ROBO1: variants seen among roughly 807,000 people sequenced by gnomAD.
ROBO1 encodes the protein roundabout guidance receptor 1.
In ROBO1, 149 loss-of-function variants were observed where a neutral mutation model predicts 195.9. The observed-to-expected ratio is 0.76, with a 90% CI of 0.67 to 0.87. The LOEUF is 0.87. ROBO1 is among the 40% of genes least tolerant of loss of function. ROBO1 has a pLI of 0.00. For synonymous variants in ROBO1, 816 were observed against 733.2 expected (o/e 1.11, Z -1.82); for missense variants, 1,933 against 2,068.3 (o/e 0.93, Z 1.27).
chr3:79,736,252 G>A (rs1338751612), intron 1 of ROBO1, among the ~76,000 whole-genome samples: 3 of 152,188 alleles, frequency 2.0e-5, no homozygotes, highest in Admixed American at 2.0e-4. Flanking sequence ...AGGATAGAGA[G>A]CAGGCTACTG....
intron 2 of ROBO1, among the ~76,000 whole-genome samples, chr3:79,490,037 G>A (rs868527796): frequency 6.6e-5 from 10 of 152,150 alleles, no homozygotes; most frequent in African/African-American, 2.4e-4. Flanking sequence ...CCTTGAAGCC[G>A]AGGACTTTGA....
At chr3:78,934,909 C>T (rs1025204422) in intron 4 of ROBO1, among the ~76,000 whole-genome samples, 9 of 152,012 alleles carry the variant, frequency 5.9e-5, no homozygotes, top group African/African-American at 1.9e-4. Context: ...CCATCTTCCA[C>T]GGACTAGATT....
intron 3 of ROBO1, among the ~76,000 whole-genome samples, chr3:79,093,891 A>G (rs1442915043): frequency 6.6e-6 from 1 of 152,028 alleles, no homozygotes; most frequent in African/African-American, 2.4e-5. Flanking sequence ...AAACAGGGGG[A>G]GAGCTAGAAG....
chr3:79,171,455 T>A (rs551613263), intron 2 of ROBO1, among the ~76,000 whole-genome samples: 1 of 149,196 alleles, frequency 6.7e-6, no homozygotes, highest in Non-Finnish European at 1.5e-5. Flanking sequence ...CTGGGCTTAA[T>A]TTTTTCTTTT....
At chr3:79,304,443 C>T (rs1391018331) in intron 2 of ROBO1, among the ~76,000 whole-genome samples, 1 of 152,018 alleles carries the variant, frequency 6.6e-6, no homozygotes, top group Admixed American at 6.6e-5. Context: ...CTGTGAAATC[C>T]CCACGATCAT....
chr3:79,507,140 T>C (rs1007584317), intron 2 of ROBO1, among the ~76,000 whole-genome samples: 1 of 152,206 alleles, frequency 6.6e-6, no homozygotes, highest in African/African-American at 2.4e-5. Context: ...TAGAGCACAT[T>C]AGCCGGTTTA....
intron 2 of ROBO1, among the ~76,000 whole-genome samples, chr3:79,168,527 T>A (rs1371413886): frequency 6.6e-6 from 1 of 152,186 alleles, no homozygotes; most frequent in East Asian, 1.9e-4. Flanking sequence ...CTAGTTCATT[T>A]TACTGTTTCC....
chr3:78,995,998 A>G (rs974964222), intron 3 of ROBO1, among the ~76,000 whole-genome samples: 1 of 152,080 alleles, frequency 6.6e-6, no homozygotes, highest in Non-Finnish European at 1.5e-5. Flanking sequence ...TCCAGCTCCA[A>G]ATGAAAGATT....
At chr3:78,717,970 T>C (rs2081945220) in intron 5 of ROBO1, 87 bp from the exon 6 acceptor site, 1 of 1,279,516 alleles carries the variant, frequency 7.8e-7, no homozygotes, top group East Asian at 2.4e-5. Context: ...AAGACTGCTT[T>C]CTAAGCATAT....
chr3:78,828,502 G>A (rs551067800), intron 4 of ROBO1, among the ~76,000 whole-genome samples: 6 of 152,248 alleles, frequency 3.9e-5, no homozygotes, highest in African/African-American at 1.4e-4. Context: ...CAAGTTTCAC[G>A]CTACCATACT....
intron 2 of ROBO1, among the ~76,000 whole-genome samples, chr3:79,321,245 CT>C (rs536147957): frequency 6.6e-6 from 1 of 150,768 alleles, no homozygotes; most frequent in South Asian, 2.1e-4. Context: ...GTGTTTTTTT[CT>C]ATAGGGGTAT....
intron 4 of ROBO1, among the ~76,000 whole-genome samples, chr3:78,885,412 TAAAAAAAAAAAAAAAAAA>T (rs59912706): frequency 3.7e-5 from 2 of 53,702 alleles, no homozygotes; most frequent in Non-Finnish European, 6.4e-5. Flanking sequence ...AATTTAAAAC[TAAAAAAAAAAAAAAAAAA>T]AAAAAAAAAA....
At chr3:79,149,865 G>C (rs1287911141) in intron 2 of ROBO1, among the ~76,000 whole-genome samples, 2 of 151,784 alleles carry the variant, frequency 1.3e-5, no homozygotes, top group Non-Finnish European at 2.9e-5. Flanking sequence ...AGTTACTCCT[G>C]ATGGCAGGCC....
intron 2 of ROBO1, among the ~76,000 whole-genome samples, chr3:79,188,220 G>A (rs367776665): frequency 6.6e-6 from 1 of 151,828 alleles, no homozygotes; most frequent in Non-Finnish European, 1.5e-5. Context: ...AACTATATTT[G>A]TAATACTTTT....
chr3:79,525,517 T>G (rs1941391239), intron 2 of ROBO1, among the ~76,000 whole-genome samples: 1 of 147,736 alleles, frequency 6.8e-6, no homozygotes, highest in East Asian at 2.0e-4. Flanking sequence ...AAACATTTAT[T>G]TTTTCATCAA....
At chr3:78,868,318 A>T (rs116200560) in intron 4 of ROBO1, among the ~76,000 whole-genome samples, 2,958 of 152,260 alleles carry the variant, frequency 0.019, 42 homozygotes, top group Middle Eastern at 0.044. Context: ...GAATGATGTC[A>T]GTGCAAACCT....
At chr3:78,708,333 A>C (rs1166742979) in intron 8 of ROBO1, among the ~76,000 whole-genome samples, 1 of 152,162 alleles carries the variant, frequency 6.6e-6, no homozygotes, top group Non-Finnish European at 1.5e-5. Context: ...TTGTCATTGA[A>C]AGTAAATAAT....
intron 18 of ROBO1, 41 bp from the exon 19 acceptor site, chr3:78,651,970 A>G: frequency 6.8e-7 from 1 of 1,466,386 alleles, no homozygotes; most frequent in Non-Finnish European, 9.5e-7. Context: ...TGAAGACTCA[A>G]TGCAATAATG....
chr3:78,715,949 C>T (rs1411079873), intron 7 of ROBO1, among the ~76,000 whole-genome samples: 1 of 152,202 alleles, frequency 6.6e-6, no homozygotes, highest in Admixed American at 6.5e-5. Context: ...TAGTTTCAAC[C>T]TGATATCTCA....
Sources: allele counts gnomAD v4.1 joint callset (sites outside exome capture counted in the v4.1 genomes callset), GRCh38; gene constraint gnomAD v4.1.1; transcripts MANE v1.5; gene names NCBI Gene and HGNC (gene_info 2026-07-23, HGNC 2026-07-21).